Variants in CCDC7 observed in about 807,000 individuals in gnomAD.
The protein encoded by CCDC7 is coiled-coil domain-containing protein 7.
CCDC7 carries 183 observed loss-of-function variants against 196.9 expected under a neutral mutation model. The ratio of observed to expected loss-of-function variants is 0.93; its 90% confidence interval spans 0.82 to 1.05. The LOEUF (loss-of-function observed/expected upper bound fraction) is 1.05, where lower values mean the gene tolerates loss of function less well. CCDC7 is among the 50% of genes least tolerant of loss of function. The pLI, the probability that CCDC7 is intolerant of heterozygous loss-of-function variation, is 0.00. For missense variants in CCDC7, 1,540 were observed against 1,482.2 expected (o/e 1.04, Z -0.64); for synonymous variants, 525 against 484.6 (o/e 1.08, Z -1.10).
intron 18 of CCDC7, among the ~76,000 whole-genome samples, chr10:32,585,462 G>C (rs1398875292): frequency 6.6e-6 from 1 of 152,066 alleles, no homozygotes; most frequent in Non-Finnish European, 1.5e-5. Context: ...TGCCATGGTG[G>C]TTTGCTGCAC....
chr10:32,854,101 A>G (rs2093663016), intron 40 of CCDC7, among the ~76,000 whole-genome samples: 1 of 152,118 alleles, frequency 6.6e-6, no homozygotes, highest in East Asian at 1.9e-4. Flanking sequence ...CCCAAGGTTT[A>G]ACTCCTTCTT....
chr10:32,552,743 G>A (rs1831774), intron 13 of CCDC7, among the ~76,000 whole-genome samples: 58,620 of 151,938 alleles, frequency 0.39, 11,569 homozygotes, highest in East Asian at 0.58. Flanking sequence ...GCTGAAGATC[G>A]GGCCCCAATC....
chr10:32,860,966 G>A (rs1047865994), intron 41 of CCDC7, among the ~76,000 whole-genome samples: 37 of 151,868 alleles, frequency 2.4e-4, no homozygotes, highest in African/African-American at 8.0e-4. Context: ...AATCAATATC[G>A]TGAAAATGGC....
chr10:32,791,702 A>C (rs908267789), intron 29 of CCDC7, among the ~76,000 whole-genome samples: 4 of 152,058 alleles, frequency 2.6e-5, no homozygotes, highest in African/African-American at 9.7e-5. Flanking sequence ...AATGAAAAAG[A>C]ATGAAGAACA....
At chr10:32,632,130 T>A (rs1267830027) in intron 18 of CCDC7, among the ~76,000 whole-genome samples, 1 of 30,308 alleles carries the variant, frequency 3.3e-5, no homozygotes, top group Non-Finnish European at 9.2e-5. Context: ...ACATTTTATT[T>A]CTTTTTTTTG....
chr10:32,833,857 C>A (rs371521362), intron 32 of CCDC7, among the ~76,000 whole-genome samples: 25 of 152,012 alleles, frequency 1.6e-4, no homozygotes, highest in African/African-American at 5.8e-4. Context: ...AACCATTTCT[C>A]CAGAGCAAAA....
chr10:32,487,879 G>T (rs2990976), intron 8 of CCDC7, among the ~76,000 whole-genome samples: 4 of 152,130 alleles, frequency 2.6e-5, no homozygotes, highest in African/African-American at 9.7e-5. Context: ...GCCATGTGAA[G>T]TGTCAGTCTG....
rs192964887 is a variant in CCDC7, at chr10:32,861,049, G to C, written c.4111+6560G>C. Among the ~76,000 whole-genome samples the C allele has an allele frequency of 1.0e-3, 131 of 130,972 alleles. 1 individual carries two copies. Among genetic ancestry groups the C allele is most frequent in the Non-Finnish European group, 4.3e-4 (27 of 62,552 alleles). 85.9% of individuals were successfully genotyped at this position (130,972 alleles called of 152,430 possible). A position where few individuals can be genotyped will look rare whatever the true frequency, so the allele number is the denominator to read the frequency against. ...TACCATTGACTTTCTTCACAGAATT[G>C]TAAAAAACTACTTTAAATTTCATTT... On this transcript the variant is annotated intron_variant, in intron 41 of 41. Transcript: ENST00000639629.
At chr10:32,788,858 C>CAG (rs1276341181) in intron 29 of CCDC7, among the ~76,000 whole-genome samples, 6 of 152,044 alleles carry the variant, frequency 3.9e-5, no homozygotes, top group Non-Finnish European at 7.4e-5. Flanking sequence ...TCCAGTGGAC[C>CAG]CTAGCTACAG....
At position 32,818,284 on chromosome 10, in the gene CCDC7, C is replaced by A. The variant is rs561410188; in HGVS notation, c.3181+3831C>A. Among the ~76,000 whole-genome samples the A allele has an allele frequency of 2.6e-5, 4 of 152,282 alleles. No individual in the cohort carries two copies. In the East Asian group the frequency reaches 5.8e-4, roughly 22 times the overall value. ...AAAGAGATCAATTCAACAAGAAGAG[C>A]TAACTATCCTAAATATATATGCACC... On this transcript the variant is annotated intron_variant, in intron 31 of 41. Transcript: ENST00000639629.
intron 10 of CCDC7, 39 bp downstream of exon 11, chr10:32,518,014 C>T (rs746614809): frequency 1.9e-6 from 3 of 1,540,296 alleles, no homozygotes; most frequent in Non-Finnish European, 2.6e-6. Context: ...ACACTTTGTC[C>T]TTGAGTTCTT....
exon 1 of CCDC7, chr10:32,451,809 C>T: frequency 6.2e-7 from 1 of 1,614,138 alleles, no homozygotes; most frequent in Non-Finnish European, 8.5e-7. Context: ...CTAAGATCTC[C>T]ACCAACAGGA....
intron 18 of CCDC7, among the ~76,000 whole-genome samples, chr10:32,600,251 A>G (rs986194406): frequency 4.0e-5 from 6 of 148,514 alleles, no homozygotes; most frequent in African/African-American, 1.5e-4. Context: ...GCAGTATTTT[A>G]TAGTTCTCCA....
chr10:32,793,719 TC>T (rs1592809294), intron 29 of CCDC7, among the ~76,000 whole-genome samples: 1 of 152,254 alleles, frequency 6.6e-6, no homozygotes, highest in East Asian at 1.9e-4. Flanking sequence ...TAATACAATT[TC>T]CAAGGTTTGT....
chr10:32,558,898 G>T (rs978369632), intron 13 of CCDC7, among the ~76,000 whole-genome samples: 3 of 152,244 alleles, frequency 2.0e-5, no homozygotes, highest in Non-Finnish European at 2.9e-5. Flanking sequence ...AGGGGTCAGG[G>T]AGTTCCCTTT....
At chr10:32,774,161 C>T (rs1170816432) in intron 28 of CCDC7, among the ~76,000 whole-genome samples, 1 of 152,178 alleles carries the variant, frequency 6.6e-6, no homozygotes, top group Non-Finnish European at 1.5e-5. Flanking sequence ...GGAATTTGGT[C>T]CTTCCTGTGG....
intron 41 of CCDC7, among the ~76,000 whole-genome samples, chr10:32,861,908 A>G (rs951245397): frequency 4.6e-5 from 7 of 152,230 alleles, no homozygotes; most frequent in Non-Finnish European, 8.8e-5. Context: ...TTAAAAAGTC[A>G]GGAAACAACA....
At chr10:32,692,660 C>T (rs1157150757) in intron 23 of CCDC7, among the ~76,000 whole-genome samples, 2 of 152,152 alleles carry the variant, frequency 1.3e-5, no homozygotes, top group African/African-American at 4.8e-5. Context: ...AACAGAAATG[C>T]CAGTTTTTGA....
intron 9 of CCDC7, among the ~76,000 whole-genome samples, chr10:32,506,618 G>A (rs1399449117): frequency 3.9e-5 from 6 of 152,352 alleles, no homozygotes; most frequent in African/African-American, 1.2e-4. Context: ...TCGGGAGGCC[G>A]AGGGGGGCAG....
Sources: allele counts gnomAD v4.1 joint callset (sites outside exome capture counted in the v4.1 genomes callset), GRCh38; gene constraint gnomAD v4.1.1; transcripts MANE v1.5; gene names NCBI Gene and HGNC (gene_info 2026-07-23, HGNC 2026-07-21).